Variants in FAM149B1 observed in about 807,000 individuals in gnomAD.
The protein encoded by FAM149B1 is family with sequence similarity 149 member B1.
In FAM149B1, 56 loss-of-function variants were observed where a neutral mutation model predicts 75.3. The observed-to-expected ratio is 0.74, with a 90% CI of 0.60 to 0.93. FAM149B1 has a LOEUF of 0.93. Among genes scored for constraint, FAM149B1 ranks in the 40% least tolerant of loss-of-function variants. The probability of loss-of-function intolerance (pLI) is 0.00; values close to 1 mark genes in which losing one functional copy is unlikely to be tolerated. For synonymous variants in FAM149B1, 259 were observed against 256.1 expected (o/e 1.01, Z -0.11); for missense variants, 639 against 708.4 (o/e 0.90, Z 1.11).
At chr10:73,216,163 T>C (rs2043293970) in intron 7 of FAM149B1, among the ~76,000 whole-genome samples, 1 of 152,230 alleles carries the variant, frequency 6.6e-6, no homozygotes, top group Non-Finnish European at 1.5e-5. Context: ...CTTCTTGGTC[T>C]TATTTTTATG....
intron 7 of FAM149B1, among the ~76,000 whole-genome samples, chr10:73,224,529 T>C (rs2043491758): frequency 2.0e-5 from 3 of 149,108 alleles, no homozygotes; most frequent in Admixed American, 6.8e-5. Flanking sequence ...TGGAGTGCAG[T>C]GGTGTGATCT....
At chr10:73,168,559 AG>A (rs3834905) in intron 1 of FAM149B1, among the ~76,000 whole-genome samples, 173 bp downstream of exon 1, 15,981 of 152,190 alleles carry the variant, frequency 0.11, 1,232 homozygotes, top group East Asian at 0.3. Flanking sequence ...TCTCCAGCTG[AG>A]GGCGTGTCGC....
In FAM149B1 at chr10:73,208,732, T is replaced by TA. The variant is rs1564700199; in HGVS notation, c.658dup (p.Ile220AsnfsTer8). On this transcript the variant is annotated frameshift_variant, in exon 6 of 14. Coordinates refer to ENST00000242505, the MANE Select transcript of FAM149B1 (RefSeq NM_173348.2). LOFTEE classifies it high-confidence loss of function. ...ATGGAAAGAGATGAGGAAGACTCTATAATCGTCTCAGAAGGAATAATTGAG... is the reference window on the plus strand; with the variant it reads ...ATGGAAAGAGATGAGGAAGACTCTATAAATCGTCTCAGAAGGAATAATTGAG... 4.5e-6 allele frequency: 7 copies of TA among 1,544,750 alleles called. No individual in the cohort carries two copies. Among genetic ancestry groups the TA allele is most frequent in the Admixed American group, 4.0e-5 (2 of 50,496 alleles).
At chr10:73,208,487 T>C (rs1345168499) in intron 5 of FAM149B1, 132 bp from the exon 6 acceptor site, 9 of 548,160 alleles carry the variant, frequency 1.6e-5, no homozygotes, top group Non-Finnish European at 2.9e-5. Context: ...TGGTAGGTTA[T>C]TGAGGCTTAG....
chr10:73,188,756 G>GGGAA (rs71021548), intron 3 of FAM149B1, among the ~76,000 whole-genome samples: 11,861 of 129,306 alleles, frequency 0.092, 643 homozygotes, highest in African/African-American at 0.12. Context: ...GAAGGAAGGA[G>GGGAA]GGAAGGAAGG....
intron 7 of FAM149B1, among the ~76,000 whole-genome samples, chr10:73,210,977 C>T (rs1218513994): frequency 1.3e-5 from 2 of 152,100 alleles, no homozygotes; most frequent in African/African-American, 2.4e-5. Context: ...GACACCACAT[C>T]CTATAATTCA....
chr10:73,206,494 A>G (rs1169197603), intron 5 of FAM149B1, among the ~76,000 whole-genome samples: 1 of 152,258 alleles, frequency 6.6e-6, no homozygotes, highest in African/African-American at 2.4e-5. Flanking sequence ...ACTAAAAAGC[A>G]GCCAAGTGCT....
At chr10:73,231,983 TCCAGGTTTAG>T (rs1316592210) in intron 9 of FAM149B1, among the ~76,000 whole-genome samples, 8 of 150,748 alleles carry the variant, frequency 5.3e-5, no homozygotes, top group Admixed American at 5.3e-4. Context: ...CAGAACAGTC[TCCAGGTTTAG>T]CCCTGTTCCT....
intron 5 of FAM149B1, among the ~76,000 whole-genome samples, chr10:73,202,077 G>T (rs1241232494): frequency 6.6e-6 from 1 of 152,098 alleles, no homozygotes; most frequent in Non-Finnish European, 1.5e-5. Flanking sequence ...AGACAGGAGA[G>T]TCACTTGAAC....
intron 7 of FAM149B1, among the ~76,000 whole-genome samples, chr10:73,213,703 A>G (rs374530770): frequency 1.1e-4 from 17 of 152,088 alleles, no homozygotes; most frequent in Admixed American, 7.9e-4. Flanking sequence ...TTATACCAGT[A>G]CCATGCTGTT....
At chr10:73,193,150 T>C (rs2042720629) in intron 4 of FAM149B1, among the ~76,000 whole-genome samples, 1 of 152,260 alleles carries the variant, frequency 6.6e-6, no homozygotes, top group African/African-American at 2.4e-5. Flanking sequence ...TCGTAGTTTT[T>C]ACTAATTTGG....
intron 7 of FAM149B1, among the ~76,000 whole-genome samples, chr10:73,216,536 C>G (rs2133377581): frequency 6.6e-6 from 1 of 152,190 alleles, no homozygotes; most frequent in East Asian, 1.9e-4. Flanking sequence ...CAAAATGGTG[C>G]CAGCTATGAC....
At chr10:73,239,238 C>T in intron 12 of FAM149B1, 74 bp from the exon 13 acceptor site, 1 of 1,276,670 alleles carries the variant, frequency 7.8e-7, no homozygotes, top group Non-Finnish European at 1.1e-6. Flanking sequence ...TCAAGGTGTT[C>T]CTGTGAACCT....
At chr10:73,221,482 G>A (rs7080296) in intron 7 of FAM149B1, among the ~76,000 whole-genome samples, 15,949 of 151,896 alleles carry the variant, frequency 0.1, 1,214 homozygotes, top group East Asian at 0.31. Flanking sequence ...ATTTCTTCTC[G>A]CTTGCATTGT....
At chr10:73,220,514 A>G (rs866934063) in intron 7 of FAM149B1, among the ~76,000 whole-genome samples, 15 of 152,310 alleles carry the variant, frequency 9.8e-5, no homozygotes, top group Middle Eastern at 3.4e-3. Context: ...AAACAACCCA[A>G]ATGTCCATCA....
Position 73,234,959 on chromosome 10 carries a change from G to C in FAM149B1, c.1476+19G>C. 6.4e-7 allele frequency: 1 copy of C among 1,551,242 alleles called. No homozygotes were observed. Among genetic ancestry groups the C allele is most frequent in the Non-Finnish European group, 8.7e-7 (1 of 1,146,802 alleles). On this transcript the variant is annotated intron_variant, in intron 11 of 13. Transcript: ENST00000242505. Reference sequence around the variant, plus strand: ...ACAGATGGTATGTTTCTTTCATATTGCCTCTCCATGTACTTACCATACAAC... The same window carrying C: ...ACAGATGGTATGTTTCTTTCATATTCCCTCTCCATGTACTTACCATACAAC...
At chr10:73,208,551 T>A (rs934100045) in intron 5 of FAM149B1, 68 bp from the exon 6 acceptor site, 15 of 1,179,670 alleles carry the variant, frequency 1.3e-5, no homozygotes, top group Non-Finnish European at 1.6e-5. Flanking sequence ...AAAACTCATG[T>A]AACTGTGTTG....
intron 7 of FAM149B1, among the ~76,000 whole-genome samples, chr10:73,227,380 C>T (rs1456098009): frequency 6.6e-6 from 1 of 152,216 alleles, no homozygotes. Context: ...CCACCATGCC[C>T]AGCCTGCTTG....
chr10:73,184,934 A>C (rs2042484260), intron 3 of FAM149B1, among the ~76,000 whole-genome samples: 1 of 152,202 alleles, frequency 6.6e-6, no homozygotes, highest in Non-Finnish European at 1.5e-5. Flanking sequence ...AAAACAATAG[A>C]GAAAATAAAG....
Sources: gnomAD v4.1 joint callset for allele counts (sites outside exome capture counted in the v4.1 genomes callset) on GRCh38, gnomAD v4.1.1 for gene constraint, MANE v1.5 for transcripts, NCBI Gene and HGNC (gene_info 2026-07-23, HGNC 2026-07-21) for gene names.